Variants in ANO2 observed in about 807,000 individuals in gnomAD.
ANO2 encodes the protein anoctamin-2.
Under a neutral mutation model 124.2 loss-of-function variants are expected in ANO2, and 101 were observed. The observed-to-expected ratio is 0.81, with a 90% CI of 0.69 to 0.96. The LOEUF is 0.96. Among genes scored for constraint, ANO2 ranks in the 40% least tolerant of loss-of-function variants. The pLI is 0.00. For missense variants in ANO2, 1,293 were observed against 1,274.5 expected, an observed-to-expected ratio of 1.01 and a Z score of -0.22; for synonymous variants, 486 against 482.5, an observed-to-expected ratio of 1.01 and a Z score of -0.09.
chr12:5,849,823 C>T (rs992258455), intron 4 of ANO2, among the ~76,000 whole-genome samples: 1 of 152,112 alleles, frequency 6.6e-6, no homozygotes, highest in African/African-American at 2.4e-5. Context: ...CCTCCACGCT[C>T]CCCTCGCCGC....
At chr12:5,877,031 A>G (rs1218165912) in intron 3 of ANO2, among the ~76,000 whole-genome samples, 1 of 152,240 alleles carries the variant, frequency 6.6e-6, no homozygotes, top group Admixed American at 6.5e-5. Context: ...TTTAAAGTAA[A>G]GAGCAAATGG....
At chr12:5,766,780 C>A (rs1403211836) in intron 10 of ANO2, among the ~76,000 whole-genome samples, 1 of 152,182 alleles carries the variant, frequency 6.6e-6, no homozygotes, top group Non-Finnish European at 1.5e-5. Flanking sequence ...GCTCTCAGGC[C>A]AGACTACATT....
At chr12:5,807,938 T>A (rs1372952082) in intron 7 of ANO2, among the ~76,000 whole-genome samples, 1 of 152,210 alleles carries the variant, frequency 6.6e-6, no homozygotes, top group Non-Finnish European at 1.5e-5. Flanking sequence ...GAAAACTATT[T>A]TTCTAACAGC....
chr12:5,639,430 G>C (rs900104656), intron 15 of ANO2, among the ~76,000 whole-genome samples: 4 of 152,118 alleles, frequency 2.6e-5, no homozygotes, highest in African/African-American at 7.2e-5. Flanking sequence ...TCACAGAGTG[G>C]ATCTTCTAGT....
chr12:5,685,265 A>G (rs571467622), intron 14 of ANO2, among the ~76,000 whole-genome samples: 2 of 152,330 alleles, frequency 1.3e-5, no homozygotes, highest in East Asian at 3.9e-4. Context: ...GGCCATTCTC[A>G]GAGGACTGGG....
chr12:5,665,120 C>T (rs1947635065), intron 14 of ANO2, among the ~76,000 whole-genome samples: 1 of 152,160 alleles, frequency 6.6e-6, no homozygotes, highest in Non-Finnish European at 1.5e-5. Flanking sequence ...CCCTTCAGCT[C>T]CGTTTCTTCC....
In ANO2 at chr12:5,806,317, CT is replaced by C. The variant is rs1482952707; in HGVS notation, c.949-225del. 5.3e-5 allele frequency among the ~76,000 whole-genome samples: 8 copies of C among 152,320 alleles called. No homozygotes were observed. In the South Asian group the frequency reaches 1.5e-3, roughly 28 times the overall value. On this transcript the variant is annotated intron_variant, in intron 8 of 24. Coordinates refer to ENST00000682330, the MANE Select transcript of ANO2 (RefSeq NM_001364791.2). ...AACTTCTCACATGAAGATGTGCCCC[CT>C]CATCCACTTCAGAGATCAGCCTGTG...
intron 14 of ANO2, among the ~76,000 whole-genome samples, chr12:5,657,719 C>T (rs1947229071): frequency 6.6e-6 from 1 of 152,158 alleles, no homozygotes; most frequent in South Asian, 2.1e-4. Flanking sequence ...AGCCAGCCCA[C>T]TGTGTGCATC....
At chr12:5,676,915 G>C (rs960794732) in intron 14 of ANO2, among the ~76,000 whole-genome samples, 6 of 152,056 alleles carry the variant, frequency 3.9e-5, no homozygotes, top group Admixed American at 6.5e-5. Context: ...TTAACCAGGC[G>C]TGGTGGTGCA....
At chr12:5,945,266 G>A, upstream of ANO2, 2 of 1,264,998 alleles carry the variant, frequency 1.6e-6, no homozygotes, top group Non-Finnish European at 2.0e-6. Flanking sequence ...TTCTGGGCAG[G>A]CTTATGCCGC....
intron 14 of ANO2, among the ~76,000 whole-genome samples, chr12:5,674,589 A>G (rs1345333815): frequency 6.6e-6 from 1 of 152,166 alleles, no homozygotes; most frequent in African/African-American, 2.4e-5. Context: ...CTCTTCTTAG[A>G]AGAAGCTCTC....
chr12:5,643,735 G>A (rs1267193236), intron 15 of ANO2, among the ~76,000 whole-genome samples: 2 of 152,004 alleles, frequency 1.3e-5, no homozygotes, highest in Non-Finnish European at 2.9e-5. Flanking sequence ...CAGACTTTTG[G>A]GCATATATGG....
At chr12:5,657,614 C>T (rs1412624030) in intron 14 of ANO2, among the ~76,000 whole-genome samples, 1 of 151,572 alleles carries the variant, frequency 6.6e-6, no homozygotes, top group African/African-American at 2.4e-5. Context: ...TCAAGGAAAA[C>T]CCAGGTGCTC....
chr12:5,600,655 C>T (rs1943897578), intron 19 of ANO2, among the ~76,000 whole-genome samples: 2 of 152,174 alleles, frequency 1.3e-5, no homozygotes, highest in African/African-American at 4.8e-5. Context: ...CCCATTGATG[C>T]ACAATGTACA....
Position 5,900,561 on chromosome 12 carries a change from A to AAAC in ANO2, c.534+20476_534+20478dup, listed in dbSNP as rs530796683. Among the ~76,000 whole-genome samples the AAAC allele has an allele frequency of 3.8e-4, 57 of 151,680 alleles. No individual in the cohort carries two copies. Among genetic ancestry groups the AAAC allele is most frequent in the African/African-American group, 1.2e-3 (51 of 41,194 alleles). ...AGGGCTTACCATAAAATAAAATGGA[A>AAAC]AACAACAACAACAACAACAAAAAAC... On this transcript the variant is annotated intron_variant, in intron 3 of 24. Transcript: ENST00000682330. The surrounding 1 kb of genome is among the most constrained non-coding windows in gnomAD (Gnocchi z 4.2).
chr12:5,566,175 G>C (rs987130514), intron 23 of ANO2, among the ~76,000 whole-genome samples: 7 of 152,188 alleles, frequency 4.6e-5, no homozygotes, highest in Admixed American at 4.6e-4. Context: ...TTGCTTCATG[G>C]CTGCATTCTT....
At chr12:5,577,484 A>G (rs945850107) in intron 22 of ANO2, among the ~76,000 whole-genome samples, 4 of 152,200 alleles carry the variant, frequency 2.6e-5, no homozygotes, top group Non-Finnish European at 5.9e-5. Context: ...CCCTTCTTCT[A>G]TGTCCTATCT....
rs1039818674 is a variant in ANO2, at chr12:5,920,857, A to T, written c.534+183T>A. 4.0e-5 allele frequency among the ~76,000 whole-genome samples: 6 copies of T among 151,866 alleles called. No homozygotes were observed. In the East Asian group the frequency reaches 1.2e-3, roughly 29 times the overall value. ...ACTCCAGCCTTGGTGACAGAGCAAGACTCCGTCTCAAAAAAAATTTTTTTT... is the reference window on the plus strand; with the variant it reads ...ACTCCAGCCTTGGTGACAGAGCAAGTCTCCGTCTCAAAAAAAATTTTTTTT... On this transcript the variant is annotated intron_variant, in intron 3 of 24. Coordinates refer to ENST00000682330, the MANE Select transcript of ANO2 (RefSeq NM_001364791.2).
At chr12:5,898,161 T>C (rs1265144662) in intron 3 of ANO2, among the ~76,000 whole-genome samples, 1 of 152,166 alleles carries the variant, frequency 6.6e-6, no homozygotes, top group African/African-American at 2.4e-5. Flanking sequence ...TCATTAGCAG[T>C]CACCAGATAT....
Sources: gnomAD v4.1 joint callset for allele counts (sites outside exome capture counted in the v4.1 genomes callset) on GRCh38, gnomAD v4.1.1 for gene constraint, Gnocchi (gnomAD v3.1) non-coding constraint, MANE v1.5 for transcripts, NCBI Gene and HGNC (gene_info 2026-07-23, HGNC 2026-07-21) for gene names.